BRCA2: variants seen among roughly 807,000 people sequenced by gnomAD.
The protein encoded by BRCA2 is BRCA2 DNA repair associated, also known as breast cancer type 2 susceptibility protein.
Under a neutral mutation model 276.7 loss-of-function variants are expected in BRCA2, and 203 were observed. The observed-to-expected ratio is 0.73, with a 90% CI of 0.65 to 0.82. The LOEUF (loss-of-function observed/expected upper bound fraction) is 0.82. Ranked by LOEUF, BRCA2 falls within the 40% of genes least tolerant of loss-of-function variation. The pLI is 0.00. For synonymous variants in BRCA2, 1,289 were observed against 1,338.4 expected (o/e 0.96, Z 0.81); for missense variants, 3,920 against 3,915.0 (o/e 1.00, Z -0.03).
chr13:32,316,358 T>C (rs1389080366), intron 1 of BRCA2, 64 bp from the exon 2 acceptor site: 1 of 1,041,362 alleles, frequency 9.6e-7, no homozygotes, highest in East Asian at 2.5e-5. Flanking sequence ...TTCTGAGTTT[T>C]ACCTCAGTCA....
rs1593902198 is a variant in BRCA2, at chr13:32,338,739, T to G, written c.4384T>G (p.Leu1462Val). Residue 1462 changes from leucine (L) to valine (V), a missense_variant, in exon 11 of 27, where the codon TTA becomes GTA. Around this residue, in one of 2 missense-constraint regions of BRCA2, gnomAD observed 3,263 missense variants for 3,156.9 expected, o/e 1.03. Transcript: ENST00000380152. ...QKPEELHNFS[L>V]NSELHSDIRK... is the part of the protein sequence containing the mutation. ...ACCAGAAGAATTGCATAACTTTTCCTTAAATTCTGAATTACATTCTGACAT... is the reference window on the plus strand; with the variant it reads ...ACCAGAAGAATTGCATAACTTTTCCGTAAATTCTGAATTACATTCTGACAT... 6.2e-7 allele frequency: 1 copy of G among 1,601,344 alleles called. No homozygotes were observed. The highest frequency in any genetic ancestry group is 8.5e-7 in the Non-Finnish European group (1 of 1,171,998).
At chr13:32,377,906 T>C (rs564423829) in intron 21 of BRCA2, among the ~76,000 whole-genome samples, 1 of 152,282 alleles carries the variant, frequency 6.6e-6, no homozygotes, top group African/African-American at 2.4e-5. Context: ...GACTACAAAA[T>C]AAACAATATT....
chr13:32,382,007 G>T (rs11571775), intron 24 of BRCA2, among the ~76,000 whole-genome samples: 1 of 152,202 alleles, frequency 6.6e-6, no homozygotes, highest in Admixed American at 6.5e-5. Flanking sequence ...GTTTTAGACA[G>T]TTAAGTTTTA....
rs80359742 is a variant in BRCA2 at position 32,379,822 on chromosome 13, AT to A, written c.9027del (p.His3010IlefsTer18). 6.2e-7 allele frequency: 1 copy of A among 1,612,724 alleles called. No individual in the cohort carries two copies. The highest frequency in any genetic ancestry group is 8.5e-7 in the Non-Finnish European group (1 of 1,178,762). Reference sequence around the variant, plus strand: ...ACAGAAGGAAAGAGATACAGAATTTATCATCTTGCAACTTCAAAATCTAAAA... The same window carrying A: ...ACAGAAGGAAAGAGATACAGAATTTACATCTTGCAACTTCAAAATCTAAAA... ...LLTEGKRYRI[Y>X]HLATSKSKSK... On this transcript the variant is annotated frameshift_variant, in exon 23 of 27. Transcript: ENST00000380152. LOFTEE classifies it high-confidence loss of function.
intron 13 of BRCA2, among the ~76,000 whole-genome samples, chr13:32,353,169 T>C (rs1174405157): frequency 6.6e-6 from 1 of 152,230 alleles, no homozygotes. Context: ...GCAGTTGTTG[T>C]ACATCTCTCA....
chr13:32,324,388 A>G (rs2137444486), intron 3 of BRCA2, among the ~76,000 whole-genome samples: 1 of 152,358 alleles, frequency 6.6e-6, no homozygotes, highest in South Asian at 2.1e-4. Flanking sequence ...GTATGGGTAA[A>G]AAGTAGACTG....
chr13:32,386,265 A>C (rs373324774), intron 24 of BRCA2, among the ~76,000 whole-genome samples: 191 of 152,280 alleles, frequency 1.3e-3, no homozygotes, highest in African/African-American at 4.3e-3. Flanking sequence ...AAAATTAGCC[A>C]GGGGTGGTGG....
Position 32,340,999 on chromosome 13 carries a change from A to G in BRCA2, c.6644A>G (p.Tyr2215Cys), listed in dbSNP as rs753615126. The G allele has an allele frequency of 6.2e-7, 1 of 1,612,222 alleles. No individual in the cohort carries two copies. The highest frequency in any genetic ancestry group is 1.1e-5 in the South Asian group (1 of 90,352). The part of the protein sequence containing the change: ...VKTNIEVCST[Y>C]SKDSENYFET... The stretch of plus-strand genomic sequence containing the variant: ...ACAAATATAGAAGTTTGTTCTACTT[A>G]CTCCAAAGATTCAGAAAACTACTTT... The change falls in exon 11 of 27, where the codon TAC (tyrosine) becomes TGC (cysteine). Residue 2215 changes from tyrosine (Y) to cysteine (C), a missense_variant. Tyr to Cys is a radical substitution (Grantham distance 194, BLOSUM62 -2). This residue lies in a region of BRCA2 where 3,263 missense variants were observed against 3,156.9 expected (regional missense o/e 1.03). Transcript: ENST00000380152.
chr13:32,368,935 C>T lies in BRCA2; in HGVS notation c.8332-1467C>T, dbSNP rs143161038. ...GAGGAATTCTCCTGCCTCAGCCTCC[C>T]GAGTAGCTGGGACTACAGGCGCCTG... is the stretch of plus-strand genomic sequence containing the variant. On this transcript the variant is annotated intron_variant, in intron 18 of 26. Transcript: ENST00000380152. 4.8e-3 allele frequency among the ~76,000 whole-genome samples: 724 copies of T among 151,650 alleles called. 43 individuals are homozygous for T. In the East Asian group the frequency reaches 0.12, roughly 25 times the overall value.
In BRCA2 at chr13:32,320,588, C is replaced by T. The variant is rs1228490969; in HGVS notation, c.316+1263C>T. Reference sequence around the variant, plus strand: ...TTATTTCTGCTTCTGAGAAATACTTCCTGTCTGCCCTCGTTGAGCTTCTAG... The same window carrying T: ...TTATTTCTGCTTCTGAGAAATACTTTCTGTCTGCCCTCGTTGAGCTTCTAG... On this transcript the variant is annotated intron_variant, in intron 3 of 26. Transcript: ENST00000380152. Among the ~76,000 whole-genome samples the T allele has an allele frequency of 2.0e-5, 3 of 152,196 alleles. No homozygotes were observed. The East Asian group carries it at 5.8e-4, about 29-fold the overall frequency.
chr13:32,356,317 G>C (rs539985338), intron 14 of BRCA2, 111 bp from the exon 15 acceptor site: 182 of 1,072,704 alleles, frequency 1.7e-4, no homozygotes, highest in Non-Finnish European at 3.5e-5. Flanking sequence ...TGATCTGCCC[G>C]CCTCAGCCTC....
chr13:32,384,166 GA>G (rs1340575037), intron 24 of BRCA2, among the ~76,000 whole-genome samples: 1 of 152,192 alleles, frequency 6.6e-6, no homozygotes, highest in Non-Finnish European at 1.5e-5. Context: ...TTTAGAGTGG[GA>G]GGAGCAGCAA....
rs80359099 is a variant in BRCA2 at position 32,370,555 on chromosome 13, C to T, written c.8485C>T (p.Gln2829Ter). ...DVIIQRAYPIQWMEKTSSGLY... is the reference protein window; with the variant it reads ...DVIIQRAYPI ...AATTATTCAAAGAGCATACCCTATACAGGTATGATGTATTCTTGAAACTTA... is the reference window on the plus strand; with the variant it reads ...AATTATTCAAAGAGCATACCCTATATAGGTATGATGTATTCTTGAAACTTA... Residue 2829 changes from glutamine to a stop codon, truncating the protein, a stop_gained and splice_region_variant, in exon 19 of 27, where the codon CAG becomes TAG. Transcript: ENST00000380152. LOFTEE classifies it high-confidence loss of function. The T allele has an allele frequency of 1.9e-6, 3 of 1,609,130 alleles. No homozygotes were observed. The highest frequency in any genetic ancestry group is 2.6e-6 in the Non-Finnish European group (3 of 1,175,514).
rs80358527 is a variant in BRCA2 at position 32,316,486 on chromosome 13, C to A, written c.26C>A (p.Pro9Gln). 2 of 1,613,734 alleles carry A rather than the reference C, an allele frequency of 1.2e-6. No homozygotes were observed. The highest frequency in any genetic ancestry group is 4.5e-5 in the East Asian group (2 of 44,864). The change falls in exon 2 of 27, where the codon CCA becomes CAA. Residue 9 changes from proline to glutamine, a missense_variant. By Grantham distance (76) the Pro-to-Gln change is moderately conservative. This residue lies in a region of BRCA2 where 3,263 missense variants were observed against 3,156.9 expected (regional missense o/e 1.03). Transcript: ENST00000380152. ...ATGCCTATTGGATCCAAAGAGAGGC[C>A]AACATTTTTTGAAATTTTTAAGACA... is the stretch of plus-strand genomic sequence containing the variant. Reference protein sequence around the residue: MPIGSKERPTFFEIFKTRC... With the variant: MPIGSKERQTFFEIFKTRC...
At chr13:32,341,584 G>A (rs1168429075) in intron 11 of BRCA2, among the ~76,000 whole-genome samples, 5 of 152,216 alleles carry the variant, frequency 3.3e-5, no homozygotes, top group African/African-American at 4.8e-5. Flanking sequence ...TACATAGCAA[G>A]TTCAGACTCT....
intron 11 of BRCA2, among the ~76,000 whole-genome samples, chr13:32,341,548 ATAATACTAACT>A (rs1450706624): frequency 1.3e-5 from 2 of 152,224 alleles, no homozygotes; most frequent in Non-Finnish European, 2.9e-5. Context: ...CAAAACCTGC[ATAATACTAACT>A]TAACTGTTTT....
chr13:32,360,321 G>A (rs994991969), intron 16 of BRCA2, among the ~76,000 whole-genome samples: 8 of 152,120 alleles, frequency 5.3e-5, no homozygotes, highest in Admixed American at 4.6e-4. Flanking sequence ...TACTCTGCAC[G>A]ATTTTTACTG....
intron 13 of BRCA2, among the ~76,000 whole-genome samples, chr13:32,351,187 C>G (rs552064588): frequency 6.6e-6 from 1 of 152,362 alleles, no homozygotes; most frequent in South Asian, 2.1e-4. Flanking sequence ...CTGCTGCTCA[C>G]TCTTTAGTGA....
rs28897726 is a variant in BRCA2 at position 32,338,544 on chromosome 13, G to A, written c.4189G>A (p.Glu1397Lys). The change falls in exon 11 of 27, where the codon GAA (glutamate) becomes AAA (lysine). Residue 1397 changes from glutamate to lysine, a missense_variant. Glu to Lys is a moderately conservative substitution (Grantham distance 56, BLOSUM62 1). Transcript: ENST00000380152. ...TTTTTTGGAAGTTGCGAAAGCTCAAGAAGCATGTCATGGTAATACTTCAAA... is the reference window on the plus strand; with the variant it reads ...TTTTTTGGAAGTTGCGAAAGCTCAAAAAGCATGTCATGGTAATACTTCAAA... ...LTFLEVAKAQ[E>K]ACHGNTSNKE... is the part of the protein sequence containing the mutation. 6 of 1,603,430 alleles carry A rather than the reference G, an allele frequency of 3.7e-6. No individual in the cohort carries two copies. The highest frequency in any genetic ancestry group is 3.4e-6 in the Non-Finnish European group (4 of 1,176,110).
Sources: gnomAD v4.1 joint callset for allele counts (sites outside exome capture counted in the v4.1 genomes callset) on GRCh38, gnomAD v4.1.1 for gene constraint, gnomAD v4.1.1 regional missense constraint, MANE v1.5 for transcripts, NCBI Gene and HGNC (gene_info 2026-07-23, HGNC 2026-07-21) for gene names.